Variants in DENND1A observed in about 807,000 individuals in gnomAD.
The protein encoded by DENND1A is DENN domain containing 1A.
In DENND1A, 51 loss-of-function variants were observed where a neutral mutation model predicts 113.7. The observed-to-expected ratio is 0.45, with a 90% CI of 0.36 to 0.57. The LOEUF (loss-of-function observed/expected upper bound fraction) is 0.57. Among genes scored for constraint, DENND1A ranks in the 20% least tolerant of loss-of-function variants. The pLI, the probability that DENND1A is intolerant of heterozygous loss-of-function variation, is 0.00. For missense variants in DENND1A, 1,258 were observed against 1,395.9 expected (o/e 0.90, Z 1.57); for synonymous variants, 565 against 570.8 (o/e 0.99, Z 0.14).
At chr9:123,739,439 T>G (rs910577242) in intron 5 of DENND1A, among the ~76,000 whole-genome samples, 2 of 152,194 alleles carry the variant, frequency 1.3e-5, no homozygotes, top group Non-Finnish European at 2.9e-5. Flanking sequence ...TAAAGATAAC[T>G]TTCAGTTATA....
At chr9:123,539,937 T>G (rs1428056969) in intron 13 of DENND1A, among the ~76,000 whole-genome samples, 1 of 152,058 alleles carries the variant, frequency 6.6e-6, no homozygotes, top group Non-Finnish European at 1.5e-5. Flanking sequence ...GGCAGTTTTA[T>G]GTTTTATTTT....
chr9:123,861,429 C>T (rs1845035084), intron 2 of DENND1A, among the ~76,000 whole-genome samples: 1 of 152,152 alleles, frequency 6.6e-6, no homozygotes, highest in Non-Finnish European at 1.5e-5. Flanking sequence ...CTGACCTGTG[C>T]CCTCCTGCTT....
At chr9:123,851,907 A>G (rs536751568) in intron 2 of DENND1A, among the ~76,000 whole-genome samples, 1 of 152,374 alleles carries the variant, frequency 6.6e-6, no homozygotes, top group South Asian at 2.1e-4. Context: ...TATTTAAAGA[A>G]GGACGATTCA....
chr9:123,573,151 A>G (rs777240894), intron 12 of DENND1A, among the ~76,000 whole-genome samples: 1 of 152,154 alleles, frequency 6.6e-6, no homozygotes, highest in East Asian at 1.9e-4. Context: ...CTATTGATTT[A>G]TATGTGTTTC....
At chr9:123,407,986 CTTTCT>C (rs2044011565) in intron 20 of DENND1A, among the ~76,000 whole-genome samples, 1 of 152,226 alleles carries the variant, frequency 6.6e-6, no homozygotes, top group African/African-American at 2.4e-5. Context: ...TTCTTCTGCT[CTTTCT>C]TTTTTCTTCT....
chr9:123,651,894 G>T (rs2062680222), intron 9 of DENND1A, 119 bp downstream of exon 9: 2 of 683,500 alleles, frequency 2.9e-6, no homozygotes, highest in Non-Finnish European at 4.6e-6. Context: ...AAAATGACAT[G>T]CTGCCATATA....
chr9:123,810,084 G>T (rs909203337), intron 2 of DENND1A, among the ~76,000 whole-genome samples: 1 of 152,136 alleles, frequency 6.6e-6, no homozygotes, highest in Admixed American at 6.5e-5. Context: ...TGTAAAATCT[G>T]CATTTCTGTA....
chr9:123,475,356 G>C (rs974740181), intron 13 of DENND1A, among the ~76,000 whole-genome samples: 2 of 152,186 alleles, frequency 1.3e-5, no homozygotes, highest in African/African-American at 2.4e-5. Flanking sequence ...ACATAAATAA[G>C]TTATTAATAG....
At chr9:123,457,287 T>A in intron 15 of DENND1A, 61 bp downstream of exon 15, 1 of 1,325,110 alleles carries the variant, frequency 7.5e-7, no homozygotes, top group Non-Finnish European at 1.1e-6. Flanking sequence ...CCACTCCTTG[T>A]CAAATATGCC....
intron 5 of DENND1A, among the ~76,000 whole-genome samples, chr9:123,735,512 C>CA (rs1246288296): frequency 6.6e-6 from 1 of 152,120 alleles, no homozygotes; most frequent in Non-Finnish European, 1.5e-5. Context: ...AAGTCCTAGT[C>CA]AAAAAAGCCA....
intron 18 of DENND1A, among the ~76,000 whole-genome samples, chr9:123,442,712 A>G (rs2047018113): frequency 6.6e-6 from 1 of 152,248 alleles, no homozygotes; most frequent in Admixed American, 6.5e-5. Context: ...GTAGTTTTGG[A>G]AAAAGCATCT....
intron 5 of DENND1A, among the ~76,000 whole-genome samples, chr9:123,677,523 T>G (rs955577640): frequency 6.6e-6 from 1 of 152,142 alleles, no homozygotes; most frequent in African/African-American, 2.4e-5. Context: ...AACCCCTGCC[T>G]CCCTGGTTCA....
rs530797165 is a variant in DENND1A at position 123,520,657 on chromosome 9, G to A, written c.993+36913C>T. On this transcript the variant is annotated intron_variant, in intron 13 of 23. Transcript: ENST00000394215. ...ATGTGAATCCTGGCTCTGATATTGC[G>A]ATATAATCAGTGAGTTTCTCAATCA... Among the ~76,000 whole-genome samples the A allele has an allele frequency of 1.6e-4, 24 of 152,318 alleles. No homozygotes were observed. In the East Asian group the frequency reaches 2.5e-3, roughly 16 times the overall value.
intron 20 of DENND1A, among the ~76,000 whole-genome samples, chr9:123,407,166 G>A (rs13296904): frequency 1.4e-5 from 2 of 142,594 alleles, no homozygotes; most frequent in Non-Finnish European, 3.1e-5. Context: ...GGGGGGAGGG[G>A]CGGGGGGGTG....
chr9:123,586,755 C>G (rs542121410), intron 11 of DENND1A, among the ~76,000 whole-genome samples: 1 of 152,278 alleles, frequency 6.6e-6, no homozygotes, highest in South Asian at 2.1e-4. Context: ...AAAACTCAAA[C>G]TGGGGGTGGG....
intron 10 of DENND1A, among the ~76,000 whole-genome samples, chr9:123,613,187 C>A (rs941272193): frequency 6.6e-6 from 1 of 152,182 alleles, no homozygotes; most frequent in Non-Finnish European, 1.5e-5. Context: ...CAGGAGGGTG[C>A]CTTTCCTTTC....
intron 12 of DENND1A, among the ~76,000 whole-genome samples, chr9:123,572,755 C>T (rs2058427475): frequency 6.6e-6 from 1 of 152,136 alleles, no homozygotes. Context: ...CTTGCCTCTT[C>T]ATTTTTTAAA....
chr9:123,390,180 C>G (rs185479438), intron 21 of DENND1A, among the ~76,000 whole-genome samples: 4 of 152,370 alleles, frequency 2.6e-5, no homozygotes, highest in Admixed American at 2.6e-4. Context: ...TCAAGTTCCT[C>G]AAGGGCAGGG....
intron 11 of DENND1A, among the ~76,000 whole-genome samples, chr9:123,606,903 G>C (rs1046430558): frequency 6.6e-6 from 1 of 152,234 alleles, no homozygotes; most frequent in African/African-American, 2.4e-5. Flanking sequence ...AACAGAGCAG[G>C]AGGACTTCTT....
Sources: allele counts gnomAD v4.1 joint callset (sites outside exome capture counted in the v4.1 genomes callset), GRCh38; gene constraint gnomAD v4.1.1; transcripts MANE v1.5; gene names NCBI Gene and HGNC (gene_info 2026-07-23, HGNC 2026-07-21).